Variants in RBFOX1 observed in about 807,000 individuals in gnomAD.
RBFOX1 encodes the protein RNA binding protein fox-1 homolog 1.
Under a neutral mutation model 57.7 loss-of-function variants are expected in RBFOX1, and 8 were observed. That is an observed-to-expected ratio of 0.14 (90% CI 0.08 to 0.25). The LOEUF (loss-of-function observed/expected upper bound fraction) is 0.25. Ranked by LOEUF, RBFOX1 falls within the 10% of genes least tolerant of loss-of-function variation. The pLI is 1.00. For missense variants in RBFOX1, 611 were observed against 548.5 expected, an observed-to-expected ratio of 1.11 and a Z score of -1.14; for synonymous variants, 326 against 222.4, an observed-to-expected ratio of 1.47 and a Z score of -4.15.
rs1175903174 is a variant in RBFOX1 at position 5,947,788 on chromosome 16, C to G, written c.351+80453C>G. The stretch of plus-strand genomic sequence containing the variant: ...CTAACAGTGCAAGGATACAGCTGCC[C>G]TTGGTATTCTTCATGGTGATAATGG... On this transcript the variant is annotated intron_variant, in intron 4 of 19. Transcript: ENST00000641259. This position sits in a 1 kb window ranked among gnomAD's most constrained non-coding sequence, Gnocchi z 7.2. Among the ~76,000 whole-genome samples the G allele has an allele frequency of 1.3e-5, 2 of 152,252 alleles. No homozygotes were observed. The highest frequency in any genetic ancestry group is 2.1e-4 in the South Asian group (1 of 4,824).
At position 7,410,778 on chromosome 16, in the gene RBFOX1, T is replaced by C. The variant is rs150368045; in HGVS notation, c.28-107369T>C. Among the ~76,000 whole-genome samples, 12 of 152,220 alleles carry C rather than the reference T, an allele frequency of 7.9e-5. No individual in the cohort carries two copies. In the East Asian group the frequency reaches 2.3e-3, roughly 29 times the overall value. ...AACAGTTTTAGACTGATGCTCCTAA[T>C]TCCCACAGAGGGGCCTGCATTTTCA... is the stretch of plus-strand genomic sequence containing the variant. On this transcript the variant is annotated intron_variant, in intron 4 of 15. Coordinates refer to ENST00000550418, the MANE Select transcript of RBFOX1 (RefSeq NM_018723.4).
chr16:6,096,388 T>C (rs1198745778), intron 1 of RBFOX1, among the ~76,000 whole-genome samples: 1 of 152,210 alleles, frequency 6.6e-6, no homozygotes, highest in African/African-American at 2.4e-5. Context: ...ATGTTTGCTC[T>C]CGACATTTAT....
chr16:7,181,072 C>A (rs1461452622), intron 4 of RBFOX1, among the ~76,000 whole-genome samples: 1 of 152,168 alleles, frequency 6.6e-6, no homozygotes, highest in Non-Finnish European at 1.5e-5. Flanking sequence ...GGTCCACAGG[C>A]CATGGCTTAC....
At chr16:7,439,610 A>G (rs1490948925) in intron 4 of RBFOX1, among the ~76,000 whole-genome samples, 2 of 152,224 alleles carry the variant, frequency 1.3e-5, no homozygotes, top group Non-Finnish European at 2.9e-5. Flanking sequence ...AAATGTCTTG[A>G]GTCCCAACGC....
At chr16:6,678,962 C>G (rs182594619) in intron 3 of RBFOX1, among the ~76,000 whole-genome samples, 1 of 152,270 alleles carries the variant, frequency 6.6e-6, no homozygotes, top group Admixed American at 6.5e-5. Flanking sequence ...TTGAATCATA[C>G]AGTGAGACTC....
At chr16:6,070,293 G>A (rs905452260) in intron 1 of RBFOX1, among the ~76,000 whole-genome samples, 45 of 152,288 alleles carry the variant, frequency 3.0e-4, no homozygotes, top group African/African-American at 9.6e-4. Flanking sequence ...CAGGGAAGAC[G>A]TCATGGGAGT....
intron 4 of RBFOX1, among the ~76,000 whole-genome samples, chr16:7,135,815 G>C (rs950732082): frequency 6.6e-6 from 1 of 152,164 alleles, no homozygotes; most frequent in Non-Finnish European, 1.5e-5. Flanking sequence ...CTTATTTCTA[G>C]TCTTTTTGAC....
rs77673395 is a variant in RBFOX1 at position 5,642,789 on chromosome 16, C to T, written c.318+43828C>T. Among the ~76,000 whole-genome samples the T allele has an allele frequency of 1.4e-3, 207 of 152,228 alleles. 2 individuals are homozygous for T. The East Asian group carries it at 0.035, about 26-fold the overall frequency. ...TGGTTTCCTCTGATGGTGTTCTCCC[C>T]TGATGTGTGTCTTACCCAGGACTTG... On this transcript the variant is annotated intron_variant, in intron 3 of 19. Transcript: ENST00000641259.
At chr16:5,362,233 C>T (rs2065572692) in intron 1 of RBFOX1, among the ~76,000 whole-genome samples, 1 of 152,164 alleles carries the variant, frequency 6.6e-6, no homozygotes, top group African/African-American at 2.4e-5. Flanking sequence ...GCTCTGTCCC[C>T]AGGCTGGAGT....
chr16:7,694,695 G>T (rs1412059947), intron 14 of RBFOX1, among the ~76,000 whole-genome samples: 1 of 152,186 alleles, frequency 6.6e-6, no homozygotes, highest in Non-Finnish European at 1.5e-5. Context: ...AGGTGCAATG[G>T]TTAATTGAAT....
At chr16:6,513,500 G>A (rs544348810) in intron 2 of RBFOX1, among the ~76,000 whole-genome samples, 80 of 152,248 alleles carry the variant, frequency 5.3e-4, no homozygotes, top group Admixed American at 1.0e-3. Context: ...TTGGGAGGTC[G>A]AGGCAGGCGG....
intron 2 of RBFOX1, among the ~76,000 whole-genome samples, chr16:5,563,608 A>G (rs2151112594): frequency 6.6e-6 from 1 of 152,290 alleles, no homozygotes; most frequent in South Asian, 2.1e-4. Context: ...TTCTTTCAAT[A>G]AGTAGTTGAC....
intron 2 of RBFOX1, among the ~76,000 whole-genome samples, chr16:6,489,716 A>G (rs2153126633): frequency 6.6e-6 from 1 of 152,316 alleles, no homozygotes; most frequent in Non-Finnish European, 1.5e-5. Flanking sequence ...CATGAGTGAT[A>G]ATGCTCACAG....
At chr16:7,529,950 A>G (rs1305266098) in intron 5 of RBFOX1, among the ~76,000 whole-genome samples, 1 of 148,554 alleles carries the variant, frequency 6.7e-6, no homozygotes, top group Non-Finnish European at 1.5e-5. Flanking sequence ...CGGAGGTTGC[A>G]GTGAGCTGAG....
At chr16:6,955,253 GAAAA>G in intron 3 of RBFOX1, among the ~76,000 whole-genome samples, 1 of 151,738 alleles carries the variant, frequency 6.6e-6, no homozygotes, top group African/African-American at 2.4e-5. Flanking sequence ...AAGAAAAAAA[GAAAA>G]AAAGAAATTT....
At chr16:5,455,685 A>G (rs774005296) in intron 1 of RBFOX1, among the ~76,000 whole-genome samples, 1 of 152,196 alleles carries the variant, frequency 6.6e-6, no homozygotes, top group Non-Finnish European at 1.5e-5. Context: ...ATTTTCAGCA[A>G]CATAGACAGG....
intron 1 of RBFOX1, among the ~76,000 whole-genome samples, chr16:5,286,734 T>C (rs2063404184): frequency 6.6e-6 from 1 of 152,148 alleles, no homozygotes; most frequent in Non-Finnish European, 1.5e-5. Context: ...AGGCAAACGG[T>C]AATATTTTAG....
At chr16:5,359,295 T>C (rs1240771604) in intron 1 of RBFOX1, among the ~76,000 whole-genome samples, 4 of 152,208 alleles carry the variant, frequency 2.6e-5, no homozygotes, top group African/African-American at 9.6e-5. Context: ...GAAATCTCCT[T>C]GATATACTGG....
chr16:6,387,463 T>C (rs2092355785), intron 2 of RBFOX1, among the ~76,000 whole-genome samples: 1 of 135,862 alleles, frequency 7.4e-6, no homozygotes, highest in African/African-American at 2.7e-5. Flanking sequence ...ATGAAAGGAC[T>C]TGATTAGGAA....
Sources: allele counts gnomAD v4.1 joint callset (sites outside exome capture counted in the v4.1 genomes callset), GRCh38; gene constraint gnomAD v4.1.1; non-coding constraint Gnocchi (gnomAD v3.1); transcripts MANE v1.5; gene names NCBI Gene and HGNC (gene_info 2026-07-23, HGNC 2026-07-21).